CHST11: variants seen among roughly 807,000 people sequenced by gnomAD.
The protein encoded by CHST11 is C4S-1.
CHST11 carries 9 observed loss-of-function variants against 30.4 expected under a neutral mutation model. The ratio of observed to expected loss-of-function variants is 0.30; its 90% CI spans 0.18 to 0.52. The LOEUF (loss-of-function observed/expected upper bound fraction) is 0.52, where lower values mean the gene tolerates loss of function less well. CHST11 is among the 20% of genes least tolerant of loss of function. The pLI is 0.97. For synonymous variants in CHST11, 152 were observed against 187.8 expected, an observed-to-expected ratio of 0.81 and a Z score of 1.56; for missense variants, 348 against 460.6, an observed-to-expected ratio of 0.76 and a Z score of 2.24.
intron 1 of CHST11, 107 bp downstream of exon 1, chr12:104,457,636 C>T (rs1384674191): frequency 9.5e-6 from 8 of 843,302 alleles, no homozygotes; most frequent in Non-Finnish European, 1.6e-5. Flanking sequence ...CCGCCTTCGG[C>T]CTCTTCGGGG....
At chr12:104,636,003 T>A (rs2039319884) in intron 2 of CHST11, among the ~76,000 whole-genome samples, 1 of 152,254 alleles carries the variant, frequency 6.6e-6, no homozygotes, top group Non-Finnish European at 1.5e-5. Flanking sequence ...AATACTATTA[T>A]AATTAACATT....
intron 2 of CHST11, among the ~76,000 whole-genome samples, chr12:104,699,450 C>A (rs566164494): frequency 1.6e-4 from 24 of 152,278 alleles, no homozygotes; most frequent in Middle Eastern, 3.4e-3. Flanking sequence ...ATTCCACCTG[C>A]CTCTTTTTGC....
chr12:104,581,562 A>C (rs1428843265), intron 1 of CHST11, among the ~76,000 whole-genome samples: 10 of 152,204 alleles, frequency 6.6e-5, no homozygotes, highest in Admixed American at 1.3e-4. Context: ...TTAAAGGAAC[A>C]CTGCCTGGGA....
rs950843353 is a variant in CHST11 at position 104,569,420 on chromosome 12, C to T, written c.119-32486C>T. 6.6e-5 allele frequency among the ~76,000 whole-genome samples: 10 copies of T among 152,264 alleles called. 1 individual carries two copies. The South Asian group carries it at 1.2e-3, about 19-fold the overall frequency. On this transcript the variant is annotated intron_variant, in intron 1 of 2. Transcript: ENST00000303694. ...CTCAGGATTTGTGGACAGTTCACTTCGAGACCAGTGTCTCTTACAATCTCA... is the reference window on the plus strand; with the variant it reads ...CTCAGGATTTGTGGACAGTTCACTTTGAGACCAGTGTCTCTTACAATCTCA...
intron 2 of CHST11, among the ~76,000 whole-genome samples, chr12:104,612,946 G>GCGC (rs1206323197): frequency 1.3e-5 from 2 of 152,204 alleles, no homozygotes; most frequent in Non-Finnish European, 2.9e-5. Flanking sequence ...ATCAGGCTGG[G>GCGC]CGCGGTGGCT....
rs2040526633 is a variant in CHST11 at position 104,761,522 on chromosome 12, T to G, written c.*3719T>G. On this transcript the variant is annotated 3_prime_UTR_variant, in exon 3 of 3. Transcript: ENST00000303694. ...ACACAATCTCAGCTGCGCCATTCTGTGCAATCCCAGTGACCAAATCCCTTC... is the reference window on the plus strand; with the variant it reads ...ACACAATCTCAGCTGCGCCATTCTGGGCAATCCCAGTGACCAAATCCCTTC... 1 of 149,284 alleles carries G rather than the reference T, an allele frequency of 6.7e-6. No homozygotes were observed. Among genetic ancestry groups the G allele is most frequent in the African/African-American group, 2.6e-5 (1 of 38,506 alleles). The allele number at this position is 149,284 out of a possible 1,614,324, so 9.2% of individuals were successfully genotyped here.
At chr12:104,748,291 G>C (rs537770688) in intron 2 of CHST11, among the ~76,000 whole-genome samples, 1 of 152,284 alleles carries the variant, frequency 6.6e-6, no homozygotes, top group East Asian at 1.9e-4. Flanking sequence ...ATAAAGCTGT[G>C]GTTCTCAAAG....
chr12:104,513,927 A>T (rs2037995061), intron 1 of CHST11: 3 of 513,126 alleles, frequency 5.8e-6, no homozygotes, highest in Non-Finnish European at 1.1e-5. Context: ...CTATAAAGGA[A>T]TACCTGAGGC....
chr12:104,656,088 C>T (rs1396538120), intron 2 of CHST11, among the ~76,000 whole-genome samples: 1 of 152,170 alleles, frequency 6.6e-6, no homozygotes, highest in Non-Finnish European at 1.5e-5. Context: ...TTCGAACAAA[C>T]CGTAAAAGAT....
At chr12:104,636,658 A>G (rs1349095551) in intron 2 of CHST11, among the ~76,000 whole-genome samples, 1 of 152,164 alleles carries the variant, frequency 6.6e-6, no homozygotes, top group Non-Finnish European at 1.5e-5. Flanking sequence ...CAGCTGTGTG[A>G]CCTTGGGCAA....
chr12:104,523,717 T>C (rs2038095995), intron 1 of CHST11, among the ~76,000 whole-genome samples: 1 of 152,248 alleles, frequency 6.6e-6, no homozygotes, highest in African/African-American at 2.4e-5. Flanking sequence ...AGGAATATTT[T>C]GTTGCTTGTT....
intron 1 of CHST11, among the ~76,000 whole-genome samples, chr12:104,515,180 T>TG (rs1565970766): frequency 2.0e-5 from 3 of 152,104 alleles, no homozygotes; most frequent in Non-Finnish European, 4.4e-5. Context: ...GTCTATGAAA[T>TG]TCAGATTTCA....
rs781688628 is a variant in CHST11, at chr12:104,729,424, C to T, written c.205-27525C>T. Among the ~76,000 whole-genome samples the T allele has an allele frequency of 6.6e-6, 1 of 152,192 alleles. No individual in the cohort carries two copies. The highest frequency in any genetic ancestry group is 1.5e-5 in the Non-Finnish European group (1 of 68,026). ...AGTACTGAGGATTCAAGCAGTGTTT[C>T]TCTGCAGACAGTTCACCCAAATGAT... On this transcript the variant is annotated intron_variant, in intron 2 of 2. Coordinates refer to ENST00000303694, the MANE Select transcript of CHST11 (RefSeq NM_018413.6). This position sits in a 1 kb window ranked among gnomAD's most constrained non-coding sequence, Gnocchi z 4.0.
At chr12:104,647,101 G>T (rs533596557) in intron 2 of CHST11, among the ~76,000 whole-genome samples, 21 of 152,316 alleles carry the variant, frequency 1.4e-4, no homozygotes, top group African/African-American at 4.3e-4. Context: ...CCCATCACAG[G>T]AAGTATTCAA....
intron 2 of CHST11, among the ~76,000 whole-genome samples, chr12:104,703,232 T>G (rs1181270313): frequency 6.6e-6 from 1 of 152,176 alleles, no homozygotes; most frequent in East Asian, 1.9e-4. Context: ...ATTCCTGTTC[T>G]TAGCATGAGG....
chr12:104,694,189 G>A (rs1193238498), intron 2 of CHST11, among the ~76,000 whole-genome samples: 1 of 152,094 alleles, frequency 6.6e-6, no homozygotes, highest in Non-Finnish European at 1.5e-5. Context: ...CTTGTATCAT[G>A]GACGTACCTA....
At chr12:104,747,437 A>G (rs1264153751) in intron 2 of CHST11, among the ~76,000 whole-genome samples, 1 of 152,206 alleles carries the variant, frequency 6.6e-6, no homozygotes, top group East Asian at 1.9e-4. Flanking sequence ...GTAAGTGCTC[A>G]ATATATGGTA....
At chr12:104,550,903 C>T (rs1048075249) in intron 1 of CHST11, among the ~76,000 whole-genome samples, 6 of 152,128 alleles carry the variant, frequency 3.9e-5, no homozygotes, top group Non-Finnish European at 5.9e-5. Context: ...TTGTGTTAGC[C>T]GGCTGGCTAA....
intron 1 of CHST11, among the ~76,000 whole-genome samples, chr12:104,510,846 C>A (rs1278371410): frequency 2.0e-5 from 3 of 151,658 alleles, no homozygotes; most frequent in Admixed American, 6.6e-5. Flanking sequence ...GTCAACAACC[C>A]ATTGTATTAC....
Sources: gnomAD v4.1 joint callset for allele counts (sites outside exome capture counted in the v4.1 genomes callset) on GRCh38, gnomAD v4.1.1 for gene constraint, Gnocchi (gnomAD v3.1) non-coding constraint, MANE v1.5 for transcripts, NCBI Gene and HGNC (gene_info 2026-07-23, HGNC 2026-07-21) for gene names.